Variants in ARHGAP20 observed in about 807,000 individuals in gnomAD.
ARHGAP20 encodes Rho GTPase activating protein 20, also known as rho GTPase-activating protein 20.
ARHGAP20 carries 34 observed loss-of-function variants against 73.7 expected under a neutral mutation model. The observed-to-expected ratio is 0.46, with a 90% confidence interval of 0.35 to 0.61. ARHGAP20 has a LOEUF of 0.61. Ranked by LOEUF, ARHGAP20 falls within the 20% of genes least tolerant of loss-of-function variation. The probability of loss-of-function intolerance (pLI) is 0.00; values close to 1 mark genes in which losing one functional copy is unlikely to be tolerated. For missense variants in ARHGAP20, 1,314 were observed against 1,420.9 expected (o/e 0.92, Z 1.21); for synonymous variants, 523 against 518.2 (o/e 1.01, Z -0.13).
intron 4 of ARHGAP20, among the ~76,000 whole-genome samples, chr11:110,616,155 T>TA (rs140694233): frequency 0.16 from 24,539 of 149,332 alleles, 2,383 homozygotes; most frequent in East Asian, 0.3. Flanking sequence ...AAAGAAACAT[T>TA]AAAAAAAAAA....
chr11:110,586,966 G>A (rs1346712445), intron 11 of ARHGAP20, among the ~76,000 whole-genome samples: 3 of 152,130 alleles, frequency 2.0e-5, no homozygotes, highest in Admixed American at 1.3e-4. Context: ...AGAAATTTAG[G>A]CAGCACACTC....
At chr11:110,614,679 T>C in intron 5 of ARHGAP20, 34 bp from the exon 6 acceptor site, 1 of 1,404,794 alleles carries the variant, frequency 7.1e-7, no homozygotes, top group Non-Finnish European at 9.8e-7. Flanking sequence ...AAAACAACAC[T>C]GAGTCAGATG....
At chr11:110,606,898 C>G in intron 8 of ARHGAP20, 149 bp from the exon 9 acceptor site, 1 of 658,190 alleles carries the variant, frequency 1.5e-6, no homozygotes, top group South Asian at 3.8e-5. Flanking sequence ...TACACTCTTA[C>G]AGTTGGAGAC....
At chr11:110,629,971 T>C (rs1014659891) in intron 3 of ARHGAP20, among the ~76,000 whole-genome samples, 1 of 152,234 alleles carries the variant, frequency 6.6e-6, no homozygotes, top group Non-Finnish European at 1.5e-5. Flanking sequence ...TTGGGTAATT[T>C]GTTAAATGGC....
At chr11:110,644,292 TAGAA>T (rs1168702984) in intron 2 of ARHGAP20, among the ~76,000 whole-genome samples, 1 of 152,140 alleles carries the variant, frequency 6.6e-6, no homozygotes, top group African/African-American at 2.4e-5. Context: ...TTCACAAAAT[TAGAA>T]AGAAACTATT....
At chr11:110,626,171 C>T (rs1948739879) in intron 3 of ARHGAP20, among the ~76,000 whole-genome samples, 1 of 152,140 alleles carries the variant, frequency 6.6e-6, no homozygotes, top group South Asian at 2.1e-4. Context: ...TAAAACTACA[C>T]ATTTTTGGAA....
chr11:110,625,270 C>T (rs986770309), intron 3 of ARHGAP20, among the ~76,000 whole-genome samples: 4 of 151,562 alleles, frequency 2.6e-5, no homozygotes, highest in African/African-American at 9.7e-5. Flanking sequence ...ATCTCTTGAC[C>T]TCATGATCCA....
chr11:110,624,556 T>C (rs1295812191), intron 3 of ARHGAP20, among the ~76,000 whole-genome samples: 2 of 150,894 alleles, frequency 1.3e-5, no homozygotes, highest in African/African-American at 2.4e-5. Context: ...GACGGGTCAA[T>C]AGGAACAGCA....
At chr11:110,650,350 A>G (rs1949323020) in intron 2 of ARHGAP20, among the ~76,000 whole-genome samples, 1 of 152,194 alleles carries the variant, frequency 6.6e-6, no homozygotes, top group African/African-American at 2.4e-5. Context: ...TATAACTACA[A>G]AAGTAGAGAA....
At chr11:110,606,220 T>C (rs1296091180) in intron 9 of ARHGAP20, among the ~76,000 whole-genome samples, 2 of 152,080 alleles carry the variant, frequency 1.3e-5, no homozygotes, top group African/African-American at 2.4e-5. Context: ...AATGCAACCA[T>C]TTAGGGAGAA....
At chr11:110,708,964 T>C (rs1441258479) in intron 1 of ARHGAP20, among the ~76,000 whole-genome samples, 1 of 152,218 alleles carries the variant, frequency 6.6e-6, no homozygotes, top group Non-Finnish European at 1.5e-5. Context: ...TAGCTACATG[T>C]AGCTAGTGGC....
intron 7 of ARHGAP20, among the ~76,000 whole-genome samples, chr11:110,610,187 TA>T (rs1948333152): frequency 6.6e-6 from 1 of 152,138 alleles, no homozygotes; most frequent in Admixed American, 6.5e-5. Flanking sequence ...ACCCAGTGCA[TA>T]TATTTTAAAT....
At chr11:110,632,171 T>C (rs1027054923) in intron 2 of ARHGAP20, among the ~76,000 whole-genome samples, 9 of 152,202 alleles carry the variant, frequency 5.9e-5, no homozygotes, top group African/African-American at 1.7e-4. Context: ...TTTGTATCTA[T>C]GTTTTCATTT....
At chr11:110,614,504 A>T in intron 6 of ARHGAP20, 57 bp downstream of exon 6, 1 of 1,462,698 alleles carries the variant, frequency 6.8e-7, no homozygotes, top group Non-Finnish European at 9.6e-7. Context: ...TCTTATCCGT[A>T]GTGTTCTGTC....
chr11:110,653,601 G>A (rs1044420067), intron 2 of ARHGAP20, among the ~76,000 whole-genome samples: 2 of 152,080 alleles, frequency 1.3e-5, no homozygotes, highest in African/African-American at 2.4e-5. Flanking sequence ...CAGAGAAATC[G>A]GAATGCTTTT....
At chr11:110,654,216 C>T (rs1461092311) in intron 2 of ARHGAP20, among the ~76,000 whole-genome samples, 1 of 152,018 alleles carries the variant, frequency 6.6e-6, no homozygotes, top group Non-Finnish European at 1.5e-5. Context: ...TAAAAAAATA[C>T]AAACCCTGGC....
intron 9 of ARHGAP20, among the ~76,000 whole-genome samples, chr11:110,595,759 C>G (rs1947941798): frequency 3.3e-5 from 5 of 151,814 alleles, no homozygotes; most frequent in Admixed American, 1.3e-4. Context: ...CATCAAGCTA[C>G]CAATGACTTT....
At position 110,606,728 on chromosome 11, in the gene ARHGAP20, A is replaced by G. The variant is rs1324097680; in HGVS notation, c.797T>C (p.Ile266Thr). The G allele has an allele frequency of 3.2e-6, 5 of 1,567,826 alleles. No homozygotes were observed. The highest frequency in any genetic ancestry group is 4.3e-6 in the Non-Finnish European group (5 of 1,160,712). ...AGAGTCTCGAAGATGGCTCATTTTAATTCCATATGGATATTCATGCCCTAC... is the reference window on the plus strand; with the variant it reads ...AGAGTCTCGAAGATGGCTCATTTTAGTTCCATATGGATATTCATGCCCTAC... ...PLIGHEYPYG[I>T]KMSHLRDSAL... The change falls in exon 9 of 15, where the codon ATT (isoleucine) becomes ACT (threonine). Residue 266 changes from isoleucine to threonine, a missense_variant. Physicochemically the swap from Ile to Thr is moderately conservative, Grantham distance 89. Transcript: ENST00000683387.
chr11:110,624,021 T>C (rs749275265), intron 4 of ARHGAP20, 141 bp downstream of exon 4: 78 of 1,186,904 alleles, frequency 6.6e-5, no homozygotes, highest in Middle Eastern at 4.8e-4. Context: ...AGATGAGTTA[T>C]TGATTTAATA....
Sources: gnomAD v4.1 joint callset for allele counts (sites outside exome capture counted in the v4.1 genomes callset) on GRCh38, gnomAD v4.1.1 for gene constraint, MANE v1.5 for transcripts, NCBI Gene and HGNC (gene_info 2026-07-23, HGNC 2026-07-21) for gene names.